The following YTHDF2 variants were observed in gnomAD, a reference collection of about 807,000 sequenced individuals.
YTHDF2 encodes the protein YTH domain-containing family protein 2.
A neutral mutation model predicts 50.4 loss-of-function variants in YTHDF2; 2 were observed. The ratio of observed to expected loss-of-function variants is 0.04; its 90% CI spans 0.02 to 0.12. YTHDF2 has a LOEUF of 0.12. Among genes scored for constraint, YTHDF2 ranks in the 10% least tolerant of loss-of-function variants. The pLI, the probability that YTHDF2 is intolerant of heterozygous loss-of-function variation, is 1.00. For missense variants in YTHDF2, 483 were observed against 722.6 expected (o/e 0.67, Z 3.80); for synonymous variants, 217 against 255.6 (o/e 0.85, Z 1.44).
intron 4 of YTHDF2, among the ~76,000 whole-genome samples, chr1:28,745,906 G>A (rs529380415): frequency 6.6e-6 from 1 of 152,094 alleles, no homozygotes; most frequent in South Asian, 2.1e-4. Flanking sequence ...GGGCATGGTG[G>A]CACACACCTG....
At chr1:28,754,392 T>TGGTGACGGGCGC (rs2088005947) in intron 4 of YTHDF2, among the ~76,000 whole-genome samples, 1 of 151,722 alleles carries the variant, frequency 6.6e-6, no homozygotes, top group African/African-American at 2.4e-5. Context: ...TAGCCGGGCG[T>TGGTGACGGGCGC]GGTGACGGGC....
At position 28,749,278 on chromosome 1, in the gene YTHDF2, G is replaced by T. The variant is rs150531826; in HGVS notation, c.1716+5292G>T. On this transcript the variant is annotated intron_variant, in intron 4 of 4. Coordinates refer to ENST00000373812, the MANE Select transcript of YTHDF2 (RefSeq NM_016258.3). ...GCATTCTCGGCCCACTGCAAGCTCC[G>T]CCTCCCGGGTTCACGCCATTCTCCT... Among the ~76,000 whole-genome samples the T allele has an allele frequency of 2.2e-4, 31 of 144,048 alleles. No homozygotes were observed. The East Asian group carries it at 6.4e-3, about 30-fold the overall frequency. The allele number at this position is 144,048 out of a possible 152,430, so 94.5% of individuals were successfully genotyped here.
Position 28,743,228 on chromosome 1 carries a change from G to C in YTHDF2, c.958G>C (p.Ala320Pro), listed in dbSNP as rs886153287. 3 of 1,613,976 alleles carry C rather than the reference G, an allele frequency of 1.9e-6. No homozygotes were observed. The African/African-American group carries it at 4.0e-5, about 22-fold the overall frequency. Residue 320 changes from alanine to proline, a missense_variant, in exon 4 of 5, where the codon GCA becomes CCA. By Grantham distance (27) the Ala-to-Pro change is conservative (BLOSUM62 -1). Transcript: ENST00000373812. The surrounding 1 kb of genome is among the most constrained non-coding windows in gnomAD (Gnocchi z 6.9). ...QANNSPPVAQ[A>P]SVGQQTQPLP... ...TAACAATAGCCCACCAGTGGCTCAG[G>C]CATCAGTAGGGCAACAGACACAGCC...
At chr1:28,751,123 T>C (rs1570470514) in intron 4 of YTHDF2, among the ~76,000 whole-genome samples, 1 of 89,392 alleles carries the variant, frequency 1.1e-5, no homozygotes, top group Non-Finnish European at 2.2e-5. Flanking sequence ...CTGGGCGTGG[T>C]GGTGCACGCT....
rs1570478345 is a variant in YTHDF2 at position 28,760,933 on chromosome 1, A to G, written c.1717-7996A>G. ...ACATAATTTTACGTGCTATAGTTTTATACGACTTGCAGTGCGGTAGGTTTG... is the reference window on the plus strand; with the variant it reads ...ACATAATTTTACGTGCTATAGTTTTGTACGACTTGCAGTGCGGTAGGTTTG... On this transcript the variant is annotated intron_variant, in intron 4 of 4. Transcript: ENST00000373812. Among the ~76,000 whole-genome samples, 3 of 152,246 alleles carry G rather than the reference A, an allele frequency of 2.0e-5. No homozygotes were observed. In the East Asian group the frequency reaches 5.8e-4, roughly 29 times the overall value.
chr1:28,762,966 A>G (rs369528685), intron 4 of YTHDF2, among the ~76,000 whole-genome samples: 1 of 152,144 alleles, frequency 6.6e-6, no homozygotes. Flanking sequence ...AGCTGGGACT[A>G]CAGGCATGTG....
At chr1:28,767,344 C>T (rs1570484328) in intron 4 of YTHDF2, among the ~76,000 whole-genome samples, 1 of 151,916 alleles carries the variant, frequency 6.6e-6, no homozygotes, top group African/African-American at 2.4e-5. Context: ...TTAAGTATGC[C>T]AACTAACTTA....
chr1:28,746,829 C>A (rs1480848726), intron 4 of YTHDF2, among the ~76,000 whole-genome samples: 2 of 152,126 alleles, frequency 1.3e-5, no homozygotes, highest in Non-Finnish European at 2.9e-5. Flanking sequence ...CGCCTGTAAT[C>A]CCAGCACTTT....
chr1:28,737,752 G>A (rs2087717139), intron 2 of YTHDF2, 70 bp downstream of exon 2: 2 of 1,584,094 alleles, frequency 1.3e-6, no homozygotes, highest in African/African-American at 2.7e-5. Flanking sequence ...GGGTCTCCGG[G>A]AAGCGCCCCG....
chr1:28,740,454 C>T (rs552268649), intron 3 of YTHDF2: 22 of 152,222 alleles, frequency 1.4e-4, no homozygotes, highest in South Asian at 1.0e-3. Flanking sequence ...TAATATAAAT[C>T]TTAGATGAGT....
At chr1:28,756,031 G>C (rs1253776523) in intron 4 of YTHDF2, among the ~76,000 whole-genome samples, 1 of 152,118 alleles carries the variant, frequency 6.6e-6, no homozygotes, top group Non-Finnish European at 1.5e-5. Context: ...ATAAAAAGTT[G>C]CTTTGCTATT....
chr1:28,737,492 G>T, intron 1 of YTHDF2, 166 bp from the exon 2 acceptor site: 1 of 954,636 alleles, frequency 1.0e-6, no homozygotes, highest in African/African-American at 1.7e-5. Context: ...CGGGCCTGGC[G>T]CTTTCCCCCG....
At chr1:28,763,871 GT>G (rs58507391) in intron 4 of YTHDF2, among the ~76,000 whole-genome samples, 79 of 142,514 alleles carry the variant, frequency 5.5e-4, no homozygotes, top group East Asian at 1.7e-3. Context: ...ACCAACTTTT[GT>G]TTTTTTTTTT....
Position 28,737,075 on chromosome 1 carries a change from C to G in YTHDF2, c.-46C>G, listed in dbSNP as rs572632613. ...GGGCTCATCTGCCGCCGCCGCCGCG[C>G]TGAGGAGAGTTCGCCGCCGTCGCCG... On this transcript the variant is annotated 5_prime_UTR_variant, in exon 1 of 5. Transcript: ENST00000373812. 1 of 1,574,552 alleles carries G rather than the reference C, an allele frequency of 6.4e-7. No individual in the cohort carries two copies. The highest frequency in any genetic ancestry group is 1.4e-5 in the African/African-American group (1 of 73,200).
intron 4 of YTHDF2, among the ~76,000 whole-genome samples, chr1:28,760,728 G>A (rs1023352999): frequency 3.9e-5 from 6 of 152,038 alleles, no homozygotes; most frequent in East Asian, 1.9e-4. Flanking sequence ...CTACAGCCGC[G>A]TGCCACTACA....
intron 4 of YTHDF2, among the ~76,000 whole-genome samples, chr1:28,754,680 G>C (rs1276855766): frequency 6.6e-6 from 1 of 151,922 alleles, no homozygotes; most frequent in Non-Finnish European, 1.5e-5. Context: ...TGGGCGTGGT[G>C]GTGGGTGCCT....
rs181478984 is a variant in YTHDF2, at chr1:28,757,767, A to G, written c.1717-11162A>G. On this transcript the variant is annotated intron_variant, in intron 4 of 4. Transcript: ENST00000373812. ...AATCACCTGTAATTCCTGTACTACA[A>G]CAAAACTACTCATCTTGGCATTTTT... is the stretch of plus-strand genomic sequence containing the variant. 4.4e-3 allele frequency among the ~76,000 whole-genome samples: 670 copies of G among 152,074 alleles called. 3 individuals carry two copies. The highest frequency in any genetic ancestry group is 0.014 in the African/African-American group (574 of 41,580).
In YTHDF2 at chr1:28,736,971, G is replaced by A. The variant is rs1024943659; in HGVS notation, c.-150G>A. On this transcript the variant is annotated 5_prime_UTR_variant, in exon 1 of 5. Transcript: ENST00000373812. ...TCGCCGAGTCGGAGCCGGAGCCTGA[G>A]CCGCGCGCTGTGTCTCCGCTGCGTC... 2 of 976,822 alleles carry A rather than the reference G, an allele frequency of 2.0e-6. No homozygotes were observed. The highest frequency in any genetic ancestry group is 4.7e-5 in the Admixed American group (2 of 42,752). 60.5% of individuals were successfully genotyped at this position (976,822 alleles called of 1,614,324 possible). A position where few individuals can be genotyped will look rare whatever the true frequency, so the allele number is the denominator to read the frequency against.
chr1:28,760,051 G>A (rs1480351320), intron 4 of YTHDF2, among the ~76,000 whole-genome samples: 1 of 152,154 alleles, frequency 6.6e-6, no homozygotes, highest in African/African-American at 2.4e-5. Flanking sequence ...AGGATCATCA[G>A]TATCAGTGTC....
Sources: gnomAD v4.1 joint callset for allele counts (sites outside exome capture counted in the v4.1 genomes callset) on GRCh38, gnomAD v4.1.1 for gene constraint, Gnocchi (gnomAD v3.1) non-coding constraint, MANE v1.5 for transcripts, NCBI Gene and HGNC (gene_info 2026-07-23, HGNC 2026-07-21) for gene names.